Variants in EP300 observed in about 807,000 individuals in gnomAD.
EP300 encodes EP300 lysine acetyltransferase.
EP300 carries 31 observed loss-of-function variants against 264.0 expected under a neutral mutation model. The observed-to-expected ratio is 0.12, with a 90% CI of 0.09 to 0.16. The LOEUF is 0.16. Among genes scored for constraint, EP300 ranks in the 10% least tolerant of loss-of-function variants. EP300 has a pLI of 1.00. For missense variants in EP300, 2,766 were observed against 3,052.9 expected (o/e 0.91, Z 2.21); for synonymous variants, 1,340 against 1,045.4 (o/e 1.28, Z -5.44).
At position 41,127,755 on chromosome 22, in the gene EP300, G is replaced by C. The variant is rs181755354; in HGVS notation, c.1168+7G>C. ...TCAGGCAAGTCTTGCCAAGGTAAGT[G>C]GACCCACAGGGTTACTGTACTTAGC... On this transcript the variant is annotated splice_region_variant and intron_variant, in intron 4 of 30. Coordinates refer to ENST00000263253, the MANE Select transcript of EP300 (RefSeq NM_001429.4). The C allele has an allele frequency of 9.4e-3, 15,185 of 1,614,094 alleles. 94 individuals are homozygous for C. The highest frequency in any genetic ancestry group is 0.012 in the Non-Finnish European group (13,727 of 1,180,038).
At position 41,177,422 on chromosome 22, in the gene EP300, A is replaced by T. The variant is rs140187237; in HGVS notation, c.5711A>T (p.Gln1904Leu). The stretch of plus-strand genomic sequence containing the variant: ...GTGTCCCAGGGTAAGGCAGCAGGCC[A>T]GGTGACCCCTCCAACCCCTCCTCAG... ...GPVSQGKAAG[Q>L]VTPPTPPQTA... The change falls in exon 31 of 31, where the codon CAG becomes CTG. Residue 1904 changes from glutamine to leucine, a missense_variant. Transcript: ENST00000263253. The T allele has an allele frequency of 6.2e-7, 1 of 1,614,146 alleles. No individual in the cohort carries two copies. Among genetic ancestry groups the T allele is most frequent in the East Asian group, 2.2e-5 (1 of 44,888 alleles).
At chr22:41,169,353 G>T in intron 25 of EP300, 150 bp from the exon 26 acceptor site, 2 of 667,516 alleles carry the variant, frequency 3.0e-6, no homozygotes, top group Middle Eastern at 4.0e-4. Context: ...TCACGGCGGA[G>T]TCGCCTACCT....
intron 14 of EP300, among the ~76,000 whole-genome samples, chr22:41,151,622 C>T (rs1038996353): frequency 4.6e-5 from 7 of 152,178 alleles, no homozygotes; most frequent in African/African-American, 1.7e-4. Context: ...GATGTACAAT[C>T]AGCCAACCAG....
At chr22:41,158,569 A>G (rs952557106) in intron 19 of EP300, 69 bp downstream of exon 19, 2 of 1,210,890 alleles carry the variant, frequency 1.7e-6, no homozygotes, top group African/African-American at 3.0e-5. Flanking sequence ...CGGATGGGCC[A>G]GCACACATAC....
At chr22:41,093,183 C>G in intron 1 of EP300, 85 bp downstream of exon 1, 2 of 1,358,868 alleles carry the variant, frequency 1.5e-6, no homozygotes, top group Middle Eastern at 4.0e-4. Flanking sequence ...TTTTTTTCTT[C>G]CTCTCTCTCT....
At chr22:41,102,706 A>G (rs1031676901) in intron 1 of EP300, among the ~76,000 whole-genome samples, 3 of 152,292 alleles carry the variant, frequency 2.0e-5, no homozygotes, top group East Asian at 1.9e-4. Context: ...CACCCTTACC[A>G]CAGAAGATGG....
intron 21 of EP300, among the ~76,000 whole-genome samples, chr22:41,163,671 C>T (rs957543816): frequency 6.6e-6 from 1 of 150,918 alleles, no homozygotes; most frequent in Non-Finnish European, 1.5e-5. Context: ...CGCTGGAACC[C>T]GGGAGGCAGG....
chr22:41,095,487 C>T (rs992571969), intron 1 of EP300, among the ~76,000 whole-genome samples: 2 of 151,980 alleles, frequency 1.3e-5, no homozygotes, highest in African/African-American at 4.8e-5. Context: ...CCACCTTGGC[C>T]TCCCGAAGTG....
chr22:41,141,857 C>T (rs948159516), intron 10 of EP300, among the ~76,000 whole-genome samples: 5 of 151,748 alleles, frequency 3.3e-5, no homozygotes, highest in Non-Finnish European at 4.4e-5. Context: ...TTGTATTTTT[C>T]GTAGAGACAG....
intron 14 of EP300, among the ~76,000 whole-genome samples, chr22:41,151,512 A>G (rs2059045436): frequency 6.6e-6 from 1 of 152,080 alleles, no homozygotes; most frequent in African/African-American, 2.4e-5. Context: ...TCTTTCACTC[A>G]TTTCTGTATA....
At chr22:41,149,015 T>C (rs770787422) in intron 12 of EP300, 23 bp from the exon 13 acceptor site, 1 of 1,612,392 alleles carries the variant, frequency 6.2e-7, no homozygotes, top group Admixed American at 1.7e-5. Flanking sequence ...AGTTTGGTGA[T>C]TTGTGTTTTT....
chr22:41,178,372 C>A lies in EP300; in HGVS notation c.6661C>A (p.Pro2221Thr). The change falls in exon 31 of 31, where the codon CCA becomes ACA. Residue 2221 changes from proline to threonine, a missense_variant. Physicochemically the swap from Pro to Thr is conservative, Grantham distance 38. Coordinates refer to ENST00000263253, the MANE Select transcript of EP300 (RefSeq NM_001429.4). ...FQQPQGVGYPPQQQQRMQHHM... is the reference protein window; with the variant it reads ...FQQPQGVGYPTQQQQRMQHHM... ...GCAACCCCAAGGAGTTGGCTACCCACCACAGCAGCAGCAGCGGATGCAGCA... is the reference window on the plus strand; with the variant it reads ...GCAACCCCAAGGAGTTGGCTACCCAACACAGCAGCAGCAGCGGATGCAGCA... 6.2e-7 allele frequency: 1 copy of A among 1,614,168 alleles called. No individual in the cohort carries two copies. The highest frequency in any genetic ancestry group is 8.5e-7 in the Non-Finnish European group (1 of 1,180,038).
chr22:41,168,958 A>AGT, intron 25 of EP300, 91 bp downstream of exon 25: 1 of 1,577,832 alleles, frequency 6.3e-7, no homozygotes, highest in Non-Finnish European at 8.7e-7. Context: ...GAAAATGTTT[A>AGT]GTGTGTTTGG....
chr22:41,126,097 G>A lies in EP300; in HGVS notation c.906+57G>A, dbSNP rs998791218. 7 of 1,565,380 alleles carry A rather than the reference G, an allele frequency of 4.5e-6. No individual in the cohort carries two copies. In the African/African-American group the frequency reaches 9.5e-5, roughly 21 times the overall value. On this transcript the variant is annotated intron_variant, in intron 3 of 30. Transcript: ENST00000263253. ...AAACTGGCATTTTGACAAAAGAATT[G>A]TGTTAAACTTTCACCCTTCTGTTAT...
intron 7 of EP300, 60 bp downstream of exon 7, chr22:41,135,966 C>T: frequency 7.9e-7 from 1 of 1,268,494 alleles, no homozygotes; most frequent in Non-Finnish European, 1.2e-6. Context: ...GTTAACAATT[C>T]ATTGTTTGAC....
Position 41,117,288 on chromosome 22 carries a change from A to G in EP300, c.196A>G (p.Thr66Ala). 1 of 1,614,210 alleles carries G rather than the reference A, an allele frequency of 6.2e-7. No individual in the cohort carries two copies. Among genetic ancestry groups the G allele is most frequent in the Non-Finnish European group, 8.5e-7 (1 of 1,180,036 alleles). Reference protein sequence around the residue: ...TNGGDINQLQTSLGMVQDAAS... With the variant: ...TNGGDINQLQASLGMVQDAAS... ...TGGTGGTGATATTAATCAGCTTCAG[A>G]CAAGTCTTGGCATGGTACAAGATGC... is the stretch of plus-strand genomic sequence containing the variant. The change falls in exon 2 of 31, where the codon ACA (threonine) becomes GCA (alanine). Residue 66 changes from threonine to alanine, a missense_variant. By Grantham distance (58) the Thr-to-Ala change is moderately conservative (BLOSUM62 0). Transcript: ENST00000263253.
intron 1 of EP300, among the ~76,000 whole-genome samples, chr22:41,102,026 TTTC>T (rs1199766808): frequency 7.0e-6 from 1 of 141,954 alleles, no homozygotes; most frequent in Admixed American, 8.0e-5. Flanking sequence ...TTTTTTTTCT[TTTC>T]TTTTTTTTTT....
chr22:41,162,679 C>A lies in EP300; in HGVS notation c.3672-44C>A. The A allele has an allele frequency of 2.7e-6, 4 of 1,495,822 alleles. No homozygotes were observed. In the South Asian group the frequency reaches 3.4e-5, roughly 13 times the overall value. 92.7% of individuals were successfully genotyped at this position (1,495,822 alleles called of 1,614,324 possible). A position where few individuals can be genotyped will look rare whatever the true frequency, so the allele number is the denominator to read the frequency against. On this transcript the variant is annotated intron_variant, in intron 20 of 30. Coordinates refer to ENST00000263253, the MANE Select transcript of EP300 (RefSeq NM_001429.4). ...TGGTTAGAACAGCAGTCAGATTGCTCATCTCTATCACTTTTTCTCATTGTG... is the reference window on the plus strand; with the variant it reads ...TGGTTAGAACAGCAGTCAGATTGCTAATCTCTATCACTTTTTCTCATTGTG...
chr22:41,146,321 C>A (rs568369098), intron 10 of EP300, among the ~76,000 whole-genome samples: 1 of 152,216 alleles, frequency 6.6e-6, no homozygotes, highest in East Asian at 1.9e-4. Context: ...CCTGCCACCA[C>A]GCCTGGCTAA....
Sources: allele counts gnomAD v4.1 joint callset (sites outside exome capture counted in the v4.1 genomes callset), GRCh38; gene constraint gnomAD v4.1.1; transcripts MANE v1.5; gene names NCBI Gene and HGNC (gene_info 2026-07-23, HGNC 2026-07-21).